The following DOCK7 variants were observed in gnomAD, a reference collection of about 807,000 sequenced individuals.
The protein encoded by DOCK7 is dedicator of cytokinesis protein 7.
In DOCK7, 138 loss-of-function variants were observed where a neutral mutation model predicts 271.0. The ratio of observed to expected loss-of-function variants is 0.51; its 90% CI spans 0.44 to 0.59. The LOEUF (loss-of-function observed/expected upper bound fraction) is 0.59. DOCK7 is among the 20% of genes least tolerant of loss of function. The pLI, the probability that DOCK7 is intolerant of heterozygous loss-of-function variation, is 0.00. For missense variants in DOCK7, 2,066 were observed against 2,592.4 expected, an observed-to-expected ratio of 0.80 and a Z score of 4.41; for synonymous variants, 823 against 876.1, an observed-to-expected ratio of 0.94 and a Z score of 1.07.
At chr1:62,675,329 G>T (rs985836137) in intron 1 of DOCK7, among the ~76,000 whole-genome samples, 13 of 152,104 alleles carry the variant, frequency 8.5e-5, no homozygotes, top group Admixed American at 7.9e-4. Flanking sequence ...CTTGAGCCCA[G>T]GAGTTCAAAG....
In DOCK7 at chr1:62,685,725, C is replaced by T. The variant is rs138720407; in HGVS notation, c.38+2502G>A. 1.8e-4 allele frequency among the ~76,000 whole-genome samples: 28 copies of T among 152,234 alleles called. No homozygotes were observed. In the East Asian group the frequency reaches 5.2e-3, roughly 28 times the overall value. On this transcript the variant is annotated intron_variant, in intron 1 of 49. Coordinates refer to ENST00000635253, the MANE Select transcript of DOCK7 (RefSeq NM_001367561.1). ...ATCATCTCCATCCCACTTGCATCTC[C>T]CAATCTCAAACTCCTTTTTCCTCCT...
chr1:62,538,380 A>C (rs1440873241), intron 27 of DOCK7, among the ~76,000 whole-genome samples: 1 of 152,238 alleles, frequency 6.6e-6, no homozygotes, highest in Non-Finnish European at 1.5e-5. Flanking sequence ...CTTCCTTCTT[A>C]AAAGAAATTA....
At chr1:62,499,588 TAGC>T (rs1333738096) in intron 37 of DOCK7, among the ~76,000 whole-genome samples, 2 of 152,054 alleles carry the variant, frequency 1.3e-5, no homozygotes, top group East Asian at 3.9e-4. Flanking sequence ...GTAAGAAACT[TAGC>T]CCGGTGTGAT....
chr1:62,485,699 C>T (rs1646273257), intron 43 of DOCK7: 1 of 984,556 alleles, frequency 1.0e-6, no homozygotes, highest in African/African-American at 1.8e-5. Flanking sequence ...GGGTCAGCAA[C>T]CAGGGACAAG....
rs146347649 is a variant in DOCK7 at position 62,618,055 on chromosome 1, G to A, written c.1682+651C>T. Among the ~76,000 whole-genome samples the A allele has an allele frequency of 2.6e-3, 389 of 152,126 alleles. 3 individuals are homozygous for A. The highest frequency in any genetic ancestry group is 8.6e-3 in the African/African-American group (357 of 41,514). The stretch of plus-strand genomic sequence containing the variant: ...TGTTTTAGAATCTTATACCTGAGCT[G>A]CCCTACTGAATATCCCAACAGACAT... On this transcript the variant is annotated intron_variant, in intron 14 of 49. Coordinates refer to ENST00000635253, the MANE Select transcript of DOCK7 (RefSeq NM_001367561.1).
Position 62,648,525 on chromosome 1 carries a change from C to A in DOCK7, c.409G>T (p.Gly137Ter). The change falls in exon 5 of 50, where the codon GGA (glycine) becomes TGA (stop). Residue 137 changes from glycine to a stop codon, truncating the protein, a stop_gained. Coordinates refer to ENST00000635253, the MANE Select transcript of DOCK7 (RefSeq NM_001367561.1). LOFTEE classifies it high-confidence loss of function. ...VIRKYHKLGTGFNPNTLDKQK... is the reference protein window; with the variant it reads ...VIRKYHKLGT ...TTATCTAATGTATTGGGATTAAATC[C>A]TGTTCCCAATTTATGATATCTATTA... 7.3e-7 allele frequency: 1 copy of A among 1,368,174 alleles called. No homozygotes were observed. Among genetic ancestry groups the A allele is most frequent in the Non-Finnish European group, 9.7e-7 (1 of 1,028,860 alleles). The allele number at this position is 1,368,174 out of a possible 1,614,324, so 84.8% of individuals were successfully genotyped here.
At chr1:62,642,930 A>G (rs928891749) in intron 7 of DOCK7, among the ~76,000 whole-genome samples, 6 of 152,228 alleles carry the variant, frequency 3.9e-5, no homozygotes, top group Non-Finnish European at 7.3e-5. Flanking sequence ...AGAAAAGTCT[A>G]TTTCTCCATA....
intron 18 of DOCK7, among the ~76,000 whole-genome samples, chr1:62,571,249 T>A (rs757542516): frequency 6.6e-5 from 10 of 152,060 alleles, no homozygotes; most frequent in South Asian, 2.1e-4. Context: ...AAGGACATGA[T>A]CAGAAACTTC....
In DOCK7 at chr1:62,659,279, G is replaced by A. The variant is rs547692545; in HGVS notation, c.144+3746C>T. ...CAATTATATACAGGAGAGGGTAAAGGGATGTAAAAATAGGTAAGGTTTCTA... is the reference window on the plus strand; with the variant it reads ...CAATTATATACAGGAGAGGGTAAAGAGATGTAAAAATAGGTAAGGTTTCTA... On this transcript the variant is annotated intron_variant, in intron 2 of 49. Coordinates refer to ENST00000635253, the MANE Select transcript of DOCK7 (RefSeq NM_001367561.1). 3.3e-5 allele frequency among the ~76,000 whole-genome samples: 5 copies of A among 152,156 alleles called. No homozygotes were observed. The South Asian group carries it at 8.3e-4, about 25-fold the overall frequency.
intron 22 of DOCK7, among the ~76,000 whole-genome samples, chr1:62,546,015 A>T (rs1351226993): frequency 6.6e-6 from 1 of 152,174 alleles, no homozygotes; most frequent in Non-Finnish European, 1.5e-5. Flanking sequence ...TTATTAGGGT[A>T]AGAATAGCAA....
chr1:62,635,027 A>C, intron 8 of DOCK7, 105 bp from the exon 9 acceptor site: 2 of 603,464 alleles, frequency 3.3e-6, no homozygotes, highest in Non-Finnish European at 5.5e-6. Flanking sequence ...TCTTTCAATG[A>C]AACAATAATC....
At chr1:62,577,437 AACTTGGT>A in intron 17 of DOCK7, 74 bp from the exon 18 acceptor site, 1 of 1,159,604 alleles carries the variant, frequency 8.6e-7, no homozygotes, top group Non-Finnish European at 1.2e-6. Flanking sequence ...ATGTTTTAAG[AACTTGGT>A]ACAAGCCAAA....
Position 62,648,208 on chromosome 1 carries a change from T to C in DOCK7, c.630A>G (p.Leu210=), listed in dbSNP as rs1051431504. ...TTTCTTCATTTGGAGTTCGATCAAG[T>C]AAATTGGGAAGCAAAGCATCAGGAA... ...NSLPDALLPN[L]LDRTPNEEID... is the part of the protein sequence containing the mutation. Residue 210 remains leucine (L), a synonymous_variant, in exon 6 of 50, where the codon TTA becomes TTG. Transcript: ENST00000635253. 5 of 1,613,742 alleles carry C rather than the reference T, an allele frequency of 3.1e-6. No individual in the cohort carries two copies. Among genetic ancestry groups the C allele is most frequent in the Non-Finnish European group, 4.2e-6 (5 of 1,179,764 alleles).
intron 48 of DOCK7, 100 bp from the exon 49 acceptor site, chr1:62,457,805 A>ATAT: frequency 1.8e-6 from 2 of 1,102,254 alleles, no homozygotes; most frequent in East Asian, 4.7e-5. Context: ...ATGTGGGCTT[A>ATAT]ATGACACACA....
chr1:62,563,863 C>CAAAAAAAAAAAAAAAA (rs71045848), intron 18 of DOCK7, among the ~76,000 whole-genome samples: 1 of 38,814 alleles, frequency 2.6e-5, no homozygotes, highest in African/African-American at 1.0e-4. Flanking sequence ...ATTTACCAAG[C>CAAAAAAAAAAAAAAAA]AAAAAAAAAA....
intron 7 of DOCK7, 125 bp downstream of exon 7, chr1:62,647,566 A>G (rs1656823141): frequency 2.9e-6 from 2 of 679,056 alleles, no homozygotes; most frequent in Non-Finnish European, 5.2e-6. Context: ...TTAAAATGAC[A>G]TGTAGAACAA....
At chr1:62,457,440 C>T (rs1414949705) in intron 49 of DOCK7, 98 bp downstream of exon 49, 16 of 1,247,926 alleles carry the variant, frequency 1.3e-5, no homozygotes, top group East Asian at 4.7e-5. Flanking sequence ...CTAAGCTTTT[C>T]GGATGACAGA....
At chr1:62,613,462 T>C (rs1423741249) in intron 14 of DOCK7, among the ~76,000 whole-genome samples, 3 of 152,144 alleles carry the variant, frequency 2.0e-5, no homozygotes, top group Admixed American at 2.0e-4. Flanking sequence ...TATTTAAAGG[T>C]GAAAATCTCT....
chr1:62,685,665 G>A (rs1301833757), intron 1 of DOCK7, among the ~76,000 whole-genome samples: 1 of 151,950 alleles, frequency 6.6e-6, no homozygotes, highest in Non-Finnish European at 1.5e-5. Flanking sequence ...AATGATTCAT[G>A]AGCCCCTCAA....
Sources: allele counts gnomAD v4.1 joint callset (sites outside exome capture counted in the v4.1 genomes callset), GRCh38; gene constraint gnomAD v4.1.1; transcripts MANE v1.5; gene names NCBI Gene and HGNC (gene_info 2026-07-23, HGNC 2026-07-21).